The following SNX29 variants were observed in gnomAD, a reference collection of about 807,000 sequenced individuals.
SNX29 encodes the protein sorting nexin-29.
In SNX29, 78 loss-of-function variants were observed where a neutral mutation model predicts 102.1. The ratio of observed to expected loss-of-function variants is 0.76; its 90% CI spans 0.64 to 0.92. The LOEUF is 0.92. SNX29 is among the 40% of genes least tolerant of loss of function. The pLI is 0.00. For missense variants in SNX29, 1,280 were observed against 1,061.7 expected (o/e 1.21, Z -2.86); for synonymous variants, 580 against 414.5 (o/e 1.40, Z -4.85).
intron 20 of SNX29, among the ~76,000 whole-genome samples, chr16:12,551,173 G>A (rs199952775): frequency 1.8e-4 from 27 of 152,168 alleles, no homozygotes; most frequent in South Asian, 6.2e-4. Context: ...CAGTACCATC[G>A]TGCAGACTTC....
intron 8 of SNX29, chr16:12,060,662 G>A (rs2050734836): frequency 2.5e-6 from 1 of 401,464 alleles, no homozygotes; most frequent in Non-Finnish European, 4.9e-6. Flanking sequence ...TGAAACGGTT[G>A]ATACAGATGT....
At chr16:12,288,678 G>GAAAAA (rs532173454) in intron 15 of SNX29, among the ~76,000 whole-genome samples, 7 of 107,004 alleles carry the variant, frequency 6.5e-5, no homozygotes, top group Non-Finnish European at 1.2e-4. Flanking sequence ...GACATCTGGG[G>GAAAAA]AAAAAAAAAA....
At chr16:12,483,114 G>GGTTTTTTT (rs1555549921) in intron 19 of SNX29, among the ~76,000 whole-genome samples, 1 of 66,196 alleles carries the variant, frequency 1.5e-5, no homozygotes, top group African/African-American at 6.1e-5. Context: ...AAGTTATTAA[G>GGTTTTTTT]TTTTTTTTTT....
chr16:12,229,553 T>C (rs953148079), intron 14 of SNX29, among the ~76,000 whole-genome samples: 2 of 152,156 alleles, frequency 1.3e-5, no homozygotes, highest in Non-Finnish European at 2.9e-5. Context: ...TAAACCTTCT[T>C]CCTACCATTT....
chr16:12,553,731 G>T (rs112193586), intron 20 of SNX29, among the ~76,000 whole-genome samples: 11 of 151,746 alleles, frequency 7.2e-5, no homozygotes, highest in African/African-American at 2.7e-4. Flanking sequence ...GGGATTATAT[G>T]CACATGCCAC....
intron 15 of SNX29, among the ~76,000 whole-genome samples, chr16:12,342,633 G>A (rs1248797993): frequency 6.6e-6 from 1 of 152,168 alleles, no homozygotes; most frequent in African/African-American, 2.4e-5. Context: ...GTTGTATATT[G>A]GCTCATTTAG....
At chr16:12,039,609 GT>G (rs1188310777) in intron 4 of SNX29, among the ~76,000 whole-genome samples, 2 of 152,132 alleles carry the variant, frequency 1.3e-5, no homozygotes, top group African/African-American at 4.8e-5. Flanking sequence ...CAAAGCCTTT[GT>G]CACATTTCAG....
intron 16 of SNX29, among the ~76,000 whole-genome samples, chr16:12,376,284 T>C (rs2082871645): frequency 6.6e-6 from 1 of 152,222 alleles, no homozygotes; most frequent in African/African-American, 2.4e-5. Flanking sequence ...TGTCACAGGC[T>C]GAATGCCAGG....
rs79767795 is a variant in SNX29 at position 12,009,406 on chromosome 16, G to T, written c.122+6363G>T. On this transcript the variant is annotated intron_variant, in intron 3 of 20. Transcript: ENST00000566228. ...TGTGTGTGTGGGTATGTGTGTGAGA[G>T]ATATATATATGTATACATGTATATA... is the stretch of plus-strand genomic sequence containing the variant. Among the ~76,000 whole-genome samples the T allele has an allele frequency of 1.3e-3, 204 of 151,188 alleles. 3 individuals are homozygous for T. The East Asian group carries it at 0.024, about 18-fold the overall frequency.
chr16:12,148,117 T>C (rs2055144017), intron 13 of SNX29, among the ~76,000 whole-genome samples: 1 of 152,206 alleles, frequency 6.6e-6, no homozygotes. Flanking sequence ...CATGAAAATG[T>C]TTTATTTTAA....
chr16:12,533,562 C>G (rs1021664951), intron 20 of SNX29, among the ~76,000 whole-genome samples: 4 of 152,296 alleles, frequency 2.6e-5, no homozygotes, highest in African/African-American at 4.8e-5. Context: ...CTTTCTTAGC[C>G]TCGTCATTAT....
At chr16:12,500,824 A>G (rs74009105) in intron 19 of SNX29, among the ~76,000 whole-genome samples, 5,852 of 152,222 alleles carry the variant, frequency 0.038, 267 homozygotes, top group African/African-American at 0.11. Flanking sequence ...GTTGTGTGTC[A>G]TTTTTGCAGT....
At chr16:12,134,351 C>T (rs1019297068) in intron 13 of SNX29, among the ~76,000 whole-genome samples, 3 of 152,194 alleles carry the variant, frequency 2.0e-5, no homozygotes, top group African/African-American at 4.8e-5. Context: ...TGAATTAGGA[C>T]TCTGAGGATG....
intron 14 of SNX29, among the ~76,000 whole-genome samples, chr16:12,231,924 G>A (rs1248050733): frequency 1.3e-5 from 2 of 152,218 alleles, no homozygotes; most frequent in African/African-American, 2.4e-5. Flanking sequence ...TGAATAATCA[G>A]CTCATTTCCT....
At position 12,040,163 on chromosome 16, in the gene SNX29, G is replaced by C. The variant is rs181863257; in HGVS notation, c.248-2734G>C. ...AGGATCGCTTGAAGCCAGGAGTTTGGTACCAGCCTGCCAGCCTGCACAACA... is the reference window on the plus strand; with the variant it reads ...AGGATCGCTTGAAGCCAGGAGTTTGCTACCAGCCTGCCAGCCTGCACAACA... On this transcript the variant is annotated intron_variant, in intron 4 of 20. Transcript: ENST00000566228. 1.1e-4 allele frequency among the ~76,000 whole-genome samples: 17 copies of C among 152,152 alleles called. No individual in the cohort carries two copies. In the East Asian group the frequency reaches 3.1e-3, roughly 28 times the overall value.
chr16:12,537,486 A>G (rs965549327), intron 20 of SNX29, among the ~76,000 whole-genome samples: 3 of 152,216 alleles, frequency 2.0e-5, no homozygotes, highest in African/African-American at 4.8e-5. Context: ...AAAATTGGTG[A>G]TAGTGGCAGA....
intron 20 of SNX29, among the ~76,000 whole-genome samples, chr16:12,559,360 C>G (rs1025761164): frequency 2.6e-5 from 4 of 151,658 alleles, no homozygotes; most frequent in African/African-American, 9.7e-5. Context: ...TTACGAGAAT[C>G]TCATGCCTGA....
chr16:12,407,027 C>T (rs2084193542), intron 18 of SNX29, among the ~76,000 whole-genome samples: 1 of 152,242 alleles, frequency 6.6e-6, no homozygotes, highest in African/African-American at 2.4e-5. Context: ...GAACATTTAC[C>T]CCACACACAG....
At chr16:12,243,582 C>T (rs544912120) in intron 14 of SNX29, among the ~76,000 whole-genome samples, 2 of 152,180 alleles carry the variant, frequency 1.3e-5, no homozygotes, top group South Asian at 2.1e-4. Flanking sequence ...GGACCTGTTT[C>T]ATGGAAGACA....
Sources: gnomAD v4.1 joint callset for allele counts (sites outside exome capture counted in the v4.1 genomes callset) on GRCh38, gnomAD v4.1.1 for gene constraint, MANE v1.5 for transcripts, NCBI Gene and HGNC (gene_info 2026-07-23, HGNC 2026-07-21) for gene names.